Variants in DNAH9 observed in about 807,000 individuals in gnomAD.
DNAH9 encodes the protein dynein axonemal heavy chain 9, also known as DNAH9 variant protein.
A neutral mutation model predicts 471.6 loss-of-function variants in DNAH9; 345 were observed. The observed-to-expected ratio is 0.73, with a 90% CI of 0.67 to 0.80. DNAH9 has a LOEUF of 0.80. Among genes scored for constraint, DNAH9 ranks in the 30% least tolerant of loss-of-function variants. The probability of loss-of-function intolerance (pLI) is 0.00; values close to 1 mark genes in which losing one functional copy is unlikely to be tolerated. For missense variants in DNAH9, 5,407 were observed against 5,609.2 expected (o/e 0.96, Z 1.15); for synonymous variants, 2,093 against 2,123.6 (o/e 0.99, Z 0.40).
chr17:11,883,177 G>A (rs887329912), intron 55 of DNAH9: 2 of 991,728 alleles, frequency 2.0e-6, no homozygotes, highest in Admixed American at 5.6e-5. Flanking sequence ...TTTTAAGTAA[G>A]CCATAGGAGA....
Position 11,742,289 on chromosome 17 carries a change from G to A in DNAH9, c.6087G>A (p.Leu2029=). 1 of 1,614,114 alleles carries A rather than the reference G, an allele frequency of 6.2e-7. No individual in the cohort carries two copies. Among genetic ancestry groups the A allele is most frequent in the African/African-American group, 1.3e-5 (1 of 75,062 alleles). ...GAAAGTTCATCACTCTTTACCAGTT[G>A]TGCAAAGAGCTTCTCTCCAAACAGG... ...LARKFITLYQ[L]CKELLSKQDH... The change falls in exon 30 of 69, where the codon TTG becomes TTA. Residue 2029 remains leucine, a synonymous_variant. Transcript: ENST00000262442.
At position 11,869,256 on chromosome 17, in the gene DNAH9, G is replaced by A. The variant is rs369897448; in HGVS notation, c.10053+3G>A. 13 of 1,613,184 alleles carry A rather than the reference G, an allele frequency of 8.1e-6. No individual in the cohort carries two copies. In the African/African-American group the frequency reaches 1.2e-4, roughly 15 times the overall value. On this transcript the variant is annotated splice_donor_region_variant and intron_variant, in intron 51 of 68. Coordinates refer to ENST00000262442, the MANE Select transcript of DNAH9 (RefSeq NM_001372.4). ...CCATCTCCCTTGCCAACCGCCTGGT[G>A]AGTGTAAGCCACAGCAGCCCGAGCT...
At chr17:11,694,040 C>T (rs1366154358) in intron 21 of DNAH9, 42 bp downstream of exon 21, 21 of 1,600,988 alleles carry the variant, frequency 1.3e-5, no homozygotes, top group Non-Finnish European at 1.6e-5. Flanking sequence ...AAGAAGGCAT[C>T]ATTTCCTTTT....
At chr17:11,820,245 G>A (rs573072452) in intron 45 of DNAH9, among the ~76,000 whole-genome samples, 8 of 151,370 alleles carry the variant, frequency 5.3e-5, no homozygotes, top group East Asian at 3.9e-4. Flanking sequence ...TTGCATTTCC[G>A]GGACAGGGTT....
At chr17:11,819,195 C>T (rs958847992) in intron 45 of DNAH9, among the ~76,000 whole-genome samples, 1 of 151,866 alleles carries the variant, frequency 6.6e-6, no homozygotes, top group African/African-American at 2.4e-5. Flanking sequence ...TATTTCCTTG[C>T]GAAACAATTT....
Position 11,962,306 on chromosome 17 carries a change from A to C in DNAH9, c.13233+50A>C. On this transcript the variant is annotated intron_variant, in intron 68 of 68. Transcript: ENST00000262442. The surrounding 1 kb of genome is among the most constrained non-coding windows in gnomAD (Gnocchi z 4.1). ...GCAGCTTTCTGGGGGCTGATTAAAT[A>C]CACATTGCTTCCTATGAAGTGTGAC... The C allele has an allele frequency of 2.0e-6, 3 of 1,524,320 alleles. No individual in the cohort carries two copies. The highest frequency in any genetic ancestry group is 2.6e-6 in the Non-Finnish European group (3 of 1,141,724). The allele number at this position is 1,524,320 out of a possible 1,614,324, so 94.4% of individuals were successfully genotyped here.
intron 17 of DNAH9, among the ~76,000 whole-genome samples, chr17:11,676,402 C>T (rs1344370858): frequency 6.6e-6 from 1 of 151,654 alleles, no homozygotes; most frequent in Non-Finnish European, 1.5e-5. Flanking sequence ...TCTGCCTCAG[C>T]CTCCCAAGTA....
intron 32 of DNAH9, among the ~76,000 whole-genome samples, chr17:11,752,553 G>C (rs1306029024): frequency 1.3e-5 from 2 of 152,170 alleles, no homozygotes; most frequent in African/African-American, 4.8e-5. Flanking sequence ...TCTAGTCCCA[G>C]CTACTCAGGA....
chr17:11,953,572 G>A (rs1015110293), intron 67 of DNAH9, among the ~76,000 whole-genome samples: 3 of 152,128 alleles, frequency 2.0e-5, no homozygotes, highest in Non-Finnish European at 4.4e-5. Flanking sequence ...AGCACTTTGG[G>A]AGGCTGAGGC....
intron 36 of DNAH9, among the ~76,000 whole-genome samples, chr17:11,767,353 G>A (rs946742300): frequency 1.8e-4 from 27 of 152,138 alleles, no homozygotes; most frequent in African/African-American, 5.1e-4. Context: ...AAGTTATAAC[G>A]TCCCCTTGAT....
chr17:11,931,868 C>A (rs34699235), intron 63 of DNAH9, 146 bp from the exon 64 acceptor site: 3 of 856,690 alleles, frequency 3.5e-6, no homozygotes, highest in South Asian at 1.6e-5. Flanking sequence ...CACGTTCCCC[C>A]CAGGCTGTAG....
At chr17:11,780,168 G>A (rs1299670143) in intron 38 of DNAH9, among the ~76,000 whole-genome samples, 3 of 152,224 alleles carry the variant, frequency 2.0e-5, no homozygotes, top group Admixed American at 1.3e-4. Context: ...GATAATTGAA[G>A]AAACCACTCC....
intron 48 of DNAH9, among the ~76,000 whole-genome samples, chr17:11,824,865 T>TTCTC (rs1567828589): frequency 6.6e-6 from 1 of 151,430 alleles, no homozygotes; most frequent in East Asian, 1.9e-4. Context: ...TTCAGTACTG[T>TTCTC]CTTCTCCTTC....
chr17:11,898,607 A>T (rs1973299467), intron 59 of DNAH9, among the ~76,000 whole-genome samples: 1 of 152,198 alleles, frequency 6.6e-6, no homozygotes, highest in Non-Finnish European at 1.5e-5. Flanking sequence ...TATGATGACT[A>T]ATCACCCAGC....
chr17:11,816,177 T>C (rs2150934123), intron 45 of DNAH9, among the ~76,000 whole-genome samples: 1 of 152,302 alleles, frequency 6.6e-6, no homozygotes, highest in Middle Eastern at 3.4e-3. Context: ...TGAAACGAGA[T>C]TGTAAATTTA....
chr17:11,793,624 T>G lies in DNAH9; in HGVS notation c.8183T>G (p.Phe2728Cys). ...GTAGAAGAAAAGGACTTTGATCTTT[T>G]TGATAAAATCCAGACAGAAGTGCTC... ...KMVEEKDFDL[F>C]DKIQTEVLKK... The change falls in exon 42 of 69, where the codon TTT becomes TGT. Residue 2728 changes from phenylalanine (F) to cysteine (C), a missense_variant. Transcript: ENST00000262442. 1 of 1,613,986 alleles carries G rather than the reference T, an allele frequency of 6.2e-7. No homozygotes were observed. The highest frequency in any genetic ancestry group is 8.5e-7 in the Non-Finnish European group (1 of 1,179,958).
chr17:11,813,656 C>T (rs1253535237), intron 45 of DNAH9, among the ~76,000 whole-genome samples: 1 of 152,188 alleles, frequency 6.6e-6, no homozygotes, highest in Non-Finnish European at 1.5e-5. Flanking sequence ...CCTTGGAAAA[C>T]CAATGATCTC....
intron 68 of DNAH9, among the ~76,000 whole-genome samples, chr17:11,966,092 T>G (rs1447170279): frequency 2.0e-5 from 3 of 152,136 alleles, no homozygotes; most frequent in Non-Finnish European, 1.5e-5. Context: ...AAACATTAAT[T>G]TACATTAATT....
intron 9 of DNAH9, among the ~76,000 whole-genome samples, chr17:11,637,701 C>T (rs1198769823): frequency 1.3e-5 from 2 of 152,068 alleles, no homozygotes; most frequent in African/African-American, 4.8e-5. Context: ...GACTGAATGG[C>T]CTCTGACATC....
Sources: allele counts gnomAD v4.1 joint callset (sites outside exome capture counted in the v4.1 genomes callset), GRCh38; gene constraint gnomAD v4.1.1; non-coding constraint Gnocchi (gnomAD v3.1); transcripts MANE v1.5; gene names NCBI Gene and HGNC (gene_info 2026-07-23, HGNC 2026-07-21).